Variants in TIAM1 observed in about 807,000 individuals in gnomAD.
The protein encoded by TIAM1 is rho guanine nucleotide exchange factor TIAM1.
TIAM1 carries 65 observed loss-of-function variants against 163.5 expected under a neutral mutation model. The ratio of observed to expected loss-of-function variants is 0.40; its 90% CI spans 0.33 to 0.49. TIAM1 has a LOEUF of 0.49. TIAM1 is among the 20% of genes least tolerant of loss of function. The pLI is 0.77. For synonymous variants in TIAM1, 833 were observed against 810.1 expected (o/e 1.03, Z -0.48); for missense variants, 1,789 against 2,044.7 (o/e 0.87, Z 2.41).
At position 31,419,993 on chromosome 21, in the gene TIAM1, G is replaced by A. The variant is rs2300366; in HGVS notation, c.-369+43990C>T. On this transcript the variant is annotated intron_variant, in intron 2 of 28. Transcript: ENST00000286827. ...GAACCCGAGAGGTGGAGGCTGCAGC[G>A]AGCCAAGATCGTGCTATTGCACTCC... is the stretch of plus-strand genomic sequence containing the variant. 0.021 allele frequency among the ~76,000 whole-genome samples: 3,166 copies of A among 152,260 alleles called. 319 individuals are homozygous for A. The East Asian group carries it at 0.33, about 16-fold the overall frequency.
At chr21:31,177,313 G>A (rs747767545) in intron 15 of TIAM1, among the ~76,000 whole-genome samples, 5 of 152,020 alleles carry the variant, frequency 3.3e-5, no homozygotes, top group Non-Finnish European at 7.4e-5. Context: ...ACATAGAAAT[G>A]GACTGATTTC....
intron 3 of TIAM1, among the ~76,000 whole-genome samples, chr21:31,271,659 C>A (rs1028732978): frequency 4.0e-5 from 6 of 148,466 alleles, no homozygotes; most frequent in African/African-American, 1.5e-4. Flanking sequence ...CCTTTTGGAG[C>A]TGCAGTGCAG....
At chr21:31,210,751 AAAGAAAGAAAG>A (rs947974311) in intron 10 of TIAM1, among the ~76,000 whole-genome samples, 2 of 69,024 alleles carry the variant, frequency 2.9e-5, no homozygotes, top group Admixed American at 2.5e-4. Flanking sequence ...AGGAAGGGAG[AAAGAAAGAAAG>A]AAAGAAAGAA....
At chr21:31,152,855 A>T in intron 18 of TIAM1, 94 bp from the exon 19 acceptor site, 1 of 1,502,200 alleles carries the variant, frequency 6.7e-7, no homozygotes, top group Non-Finnish European at 8.9e-7. Flanking sequence ...ATCAATTCTT[A>T]TCAATTAAGA....
At chr21:31,312,624 G>A (rs1482223085) in intron 2 of TIAM1, among the ~76,000 whole-genome samples, 1 of 152,156 alleles carries the variant, frequency 6.6e-6, no homozygotes, top group Non-Finnish European at 1.5e-5. Flanking sequence ...TCCGTATGAA[G>A]GTGTTTTCAC....
rs547047102 is a variant in TIAM1 at position 31,439,392 on chromosome 21, C to T, written c.-369+24591G>A. ...GCAACCTCTGTTTCCTGGGTTCAAG[C>T]GACTCTTGTGCCTCAGCCTCCCGGG... is the stretch of plus-strand genomic sequence containing the variant. On this transcript the variant is annotated intron_variant, in intron 2 of 28. Coordinates refer to the TIAM1 transcript ENST00000286827. Among the ~76,000 whole-genome samples the T allele has an allele frequency of 9.2e-5, 14 of 152,318 alleles. No individual in the cohort carries two copies. In the South Asian group the frequency reaches 1.9e-3, roughly 20 times the overall value.
intron 1 of TIAM1, among the ~76,000 whole-genome samples, chr21:31,465,601 C>T (rs917276347): frequency 2.0e-5 from 3 of 150,662 alleles, no homozygotes; most frequent in African/African-American, 7.3e-5. Flanking sequence ...GACGGAGTCT[C>T]GCCCTGTTAC....
At chr21:31,558,716 C>G (rs1356430296) in intron 1 of TIAM1, among the ~76,000 whole-genome samples, 1 of 152,102 alleles carries the variant, frequency 6.6e-6, no homozygotes, top group Non-Finnish European at 1.5e-5. Flanking sequence ...CTCTCCTCCC[C>G]GCATCTCCCC....
At position 31,527,763 on chromosome 21, in the gene TIAM1, A is replaced by G. The variant is rs568982586; in HGVS notation, c.-422+31164T>C. Among the ~76,000 whole-genome samples, 5 of 152,096 alleles carry G rather than the reference A, an allele frequency of 3.3e-5. No individual in the cohort carries two copies. In the South Asian group the frequency reaches 1.0e-3, roughly 32 times the overall value. On this transcript the variant is annotated intron_variant, in intron 1 of 28. Transcript: ENST00000286827. ...CTTAAAGGCCACCAGTCCCAACCCA[A>G]TGCTTAGAATCTCCTCAGTGTGTCC...
intron 1 of TIAM1, among the ~76,000 whole-genome samples, chr21:31,472,974 TCACCCCTCACTCAATCCA>T (rs2045801183): frequency 6.6e-6 from 1 of 152,178 alleles, no homozygotes; most frequent in African/African-American, 2.4e-5. Context: ...AAATTCTTCC[TCACCCCTCACTCAATCCA>T]GGCATCACCT....
intron 24 of TIAM1, among the ~76,000 whole-genome samples, chr21:31,130,527 G>C (rs891583873): frequency 1.6e-4 from 25 of 152,130 alleles, no homozygotes; most frequent in African/African-American, 6.0e-4. Context: ...AGTTTGCTAA[G>C]CAAATGCAGT....
rs189246007 is a variant in TIAM1 at position 31,501,099 on chromosome 21, C to T, written c.-421-37064G>A. ...CTTTTTTTTTCCCTCTCTCCTCCTCCCTGCCCCTCTCATATTGGACTCGCC... is the reference window on the plus strand; with the variant it reads ...CTTTTTTTTTCCCTCTCTCCTCCTCTCTGCCCCTCTCATATTGGACTCGCC... On this transcript the variant is annotated intron_variant, in intron 1 of 28. Coordinates refer to the TIAM1 transcript ENST00000286827. 6.9e-3 allele frequency among the ~76,000 whole-genome samples: 1,056 copies of T among 152,206 alleles called. 9 individuals are homozygous for T. Among genetic ancestry groups the T allele is most frequent in the Non-Finnish European group, 9.8e-3 (668 of 68,022 alleles).
At chr21:31,332,521 C>A (rs1032782191) in intron 2 of TIAM1, among the ~76,000 whole-genome samples, 7 of 152,096 alleles carry the variant, frequency 4.6e-5, no homozygotes, top group Non-Finnish European at 8.8e-5. Flanking sequence ...GAAATACTAA[C>A]TAGCAAATAA....
chr21:31,367,227 C>T (rs2076519145), intron 2 of TIAM1, among the ~76,000 whole-genome samples: 1 of 152,020 alleles, frequency 6.6e-6, no homozygotes, highest in African/African-American at 2.4e-5. Context: ...ATCCTCAACC[C>T]CCACCTGCCC....
chr21:31,476,663 G>A (rs1039168484), intron 1 of TIAM1, among the ~76,000 whole-genome samples: 11 of 152,114 alleles, frequency 7.2e-5, no homozygotes, highest in African/African-American at 2.2e-4. Flanking sequence ...TTGCAAAATC[G>A]ATCCATGCAC....
intron 2 of TIAM1, among the ~76,000 whole-genome samples, chr21:31,398,973 C>G (rs1266912788): frequency 6.6e-6 from 1 of 151,948 alleles, no homozygotes; most frequent in Non-Finnish European, 1.5e-5. Flanking sequence ...GCCAGGAGTT[C>G]GAGACCAGCT....
rs192535474 is a variant in TIAM1 at position 31,124,646 on chromosome 21, C to T, written c.4182G>A (p.Leu1394=). 8.4e-4 allele frequency: 1,354 copies of T among 1,612,408 alleles called. 7 individuals are homozygous for T. In the Admixed American group the frequency reaches 0.014, roughly 17 times the overall value. Reference sequence around the variant, plus strand: ...GGAGCTGTCTTCTGTGCTTATCACGCAGGATTGAATGCACAGCCTTTAGGA... The same window carrying T: ...GGAGCTGTCTTCTGTGCTTATCACGTAGGATTGAATGCACAGCCTTTAGGA... ...KDFLKAVHSI[L]RDKHRRQLLK... is the part of the protein sequence containing the mutation. The change falls in exon 27 of 28, where the codon CTG becomes CTA. Residue 1394 remains leucine, a synonymous_variant. Transcript: ENST00000541036.
At chr21:31,513,833 C>T (rs544386253) in intron 1 of TIAM1, among the ~76,000 whole-genome samples, 3 of 152,114 alleles carry the variant, frequency 2.0e-5, no homozygotes, top group African/African-American at 7.2e-5. Flanking sequence ...CATAGCGAAA[C>T]CCCATCTCTA....
chr21:31,490,778 C>T (rs904401799), intron 1 of TIAM1, among the ~76,000 whole-genome samples: 1 of 152,216 alleles, frequency 6.6e-6, no homozygotes. Flanking sequence ...AGTGTTGTTG[C>T]AATTACTGGC....
Sources: gnomAD v4.1 joint callset for allele counts (sites outside exome capture counted in the v4.1 genomes callset) on GRCh38, gnomAD v4.1.1 for gene constraint, MANE v1.5 for transcripts, NCBI Gene and HGNC (gene_info 2026-07-23, HGNC 2026-07-21) for gene names.